Variants in ENOX1 observed in about 807,000 individuals in gnomAD.
ENOX1 encodes ecto-NOX disulfide-thiol exchanger 1, also known as candidate growth-related and time keeping constitutive hydroquinone (NADH) oxidase.
In ENOX1, 42 loss-of-function variants were observed where a neutral mutation model predicts 82.5. The ratio of observed to expected loss-of-function variants is 0.51; its 90% CI spans 0.40 to 0.66. ENOX1 has a LOEUF of 0.66. Among genes scored for constraint, ENOX1 ranks in the 30% least tolerant of loss-of-function variants. The pLI, the probability that ENOX1 is intolerant of heterozygous loss-of-function variation, is 0.00. For synonymous variants in ENOX1, 271 were observed against 282.2 expected (o/e 0.96, Z 0.40); for missense variants, 608 against 811.6 (o/e 0.75, Z 3.05).
chr13:43,502,657 C>T (rs986943896), intron 2 of ENOX1, among the ~76,000 whole-genome samples: 4 of 151,402 alleles, frequency 2.6e-5, no homozygotes, highest in South Asian at 2.1e-4. Flanking sequence ...AAATTAAACA[C>T]GCTTTCATAA....
At position 43,359,521 on chromosome 13, in the gene ENOX1, C is replaced by A. The variant is rs138962015; in HGVS notation, c.589+330G>T. The stretch of plus-strand genomic sequence containing the variant: ...AACCTGAAATTATTCTGAGAGAGTA[C>A]TTTACTCCTCCTAAGGATTACATCC... On this transcript the variant is annotated intron_variant, in intron 7 of 16. Coordinates refer to ENST00000690772, the MANE Select transcript of ENOX1 (RefSeq NM_001347969.2). Among the ~76,000 whole-genome samples the A allele has an allele frequency of 1.2e-4, 18 of 152,288 alleles. No individual in the cohort carries two copies. The East Asian group carries it at 3.5e-3, about 29-fold the overall frequency.
At position 43,546,578 on chromosome 13, in the gene ENOX1, T is replaced by G. The variant is rs1439068562; in HGVS notation, c.-218-62426A>C. 3 of 152,202 alleles carry G rather than the reference T, an allele frequency of 2.0e-5. No homozygotes were observed. In the South Asian group the frequency reaches 6.2e-4, roughly 32 times the overall value. 9.4% of individuals were successfully genotyped at this position (152,202 alleles called of 1,614,324 possible). A position where few individuals can be genotyped will look rare whatever the true frequency, so the allele number is the denominator to read the frequency against. On this transcript the variant is annotated intron_variant, in intron 2 of 16. Coordinates refer to ENST00000690772, the MANE Select transcript of ENOX1 (RefSeq NM_001347969.2). Reference sequence around the variant, plus strand: ...CTTTGCCGCCTCACTGTCGGAGCCCTGCTTACCACATCTGAAGGATCCATA... The same window carrying G: ...CTTTGCCGCCTCACTGTCGGAGCCCGGCTTACCACATCTGAAGGATCCATA...
At chr13:43,375,048 T>C (rs1327295150) in intron 5 of ENOX1, among the ~76,000 whole-genome samples, 1 of 152,238 alleles carries the variant, frequency 6.6e-6, no homozygotes, top group Non-Finnish European at 1.5e-5. Context: ...TGGACGTTTA[T>C]GTGCCAGCAA....
chr13:43,784,598 T>G (rs1212096351), intron 1 of ENOX1, among the ~76,000 whole-genome samples: 4 of 152,224 alleles, frequency 2.6e-5, no homozygotes, highest in Admixed American at 2.0e-4. Context: ...ATCTTAAATT[T>G]TATTCATCTT....
At chr13:43,710,126 G>C (rs772532636) in intron 1 of ENOX1, among the ~76,000 whole-genome samples, 1 of 152,066 alleles carries the variant, frequency 6.6e-6, no homozygotes, top group Non-Finnish European at 1.5e-5. Flanking sequence ...ACATCCAACA[G>C]AGTATTAAAA....
intron 16 of ENOX1, among the ~76,000 whole-genome samples, chr13:43,223,275 G>A (rs1034860771): frequency 2.0e-5 from 3 of 152,088 alleles, no homozygotes; most frequent in Non-Finnish European, 2.9e-5. Flanking sequence ...CAGGCAACTC[G>A]CTGGCTTCTC....
chr13:43,345,194 T>C (rs769423628), intron 8 of ENOX1, among the ~76,000 whole-genome samples: 1 of 152,258 alleles, frequency 6.6e-6, no homozygotes, highest in Non-Finnish European at 1.5e-5. Flanking sequence ...TGAGTTAGTA[T>C]TAAAATGTGG....
chr13:43,459,484 T>A (rs1407853203), intron 3 of ENOX1: 1 of 152,220 alleles, frequency 6.6e-6, no homozygotes, highest in Non-Finnish European at 1.5e-5. Flanking sequence ...CTAAAAGTAT[T>A]TTTATTAGTA....
intron 3 of ENOX1, among the ~76,000 whole-genome samples, chr13:43,465,640 G>A (rs1328881039): frequency 6.6e-6 from 1 of 152,026 alleles, no homozygotes; most frequent in Admixed American, 6.5e-5. Context: ...AGCAGAAAGA[G>A]CCAAGAAGTA....
intron 1 of ENOX1, among the ~76,000 whole-genome samples, chr13:43,779,503 C>T (rs1952125682): frequency 6.6e-6 from 1 of 152,216 alleles, no homozygotes; most frequent in South Asian, 2.1e-4. Context: ...ATAGGAGGTA[C>T]TTGCAGAATT....
At chr13:43,493,307 G>C (rs1310571953) in intron 2 of ENOX1, among the ~76,000 whole-genome samples, 4 of 152,172 alleles carry the variant, frequency 2.6e-5, no homozygotes, top group Non-Finnish European at 5.9e-5. Context: ...TTCCATGATA[G>C]GCCAGCCATC....
At chr13:43,692,071 A>G (rs1312526105) in intron 1 of ENOX1, among the ~76,000 whole-genome samples, 1 of 152,146 alleles carries the variant, frequency 6.6e-6, no homozygotes, top group Non-Finnish European at 1.5e-5. Context: ...ATACTTCTAT[A>G]TGTGAATCTA....
At chr13:43,355,690 T>C (rs1466442478) in intron 8 of ENOX1, among the ~76,000 whole-genome samples, 1 of 152,202 alleles carries the variant, frequency 6.6e-6, no homozygotes, top group African/African-American at 2.4e-5. Flanking sequence ...GGCAGGGGTC[T>C]GTCCCAGGCA....
At chr13:43,411,198 T>G (rs1245366698) in intron 5 of ENOX1, among the ~76,000 whole-genome samples, 1 of 148,834 alleles carries the variant, frequency 6.7e-6, no homozygotes, top group African/African-American at 2.4e-5. Flanking sequence ...TTTTGTTTTG[T>G]TTTTTTCAAT....
intron 1 of ENOX1, among the ~76,000 whole-genome samples, chr13:43,740,012 T>C (rs2089823947): frequency 1.3e-5 from 2 of 152,218 alleles, no homozygotes. Context: ...GTTTACTTTG[T>C]TGTAAATTTT....
chr13:43,432,576 G>C (rs2055742215), intron 3 of ENOX1, among the ~76,000 whole-genome samples: 1 of 152,208 alleles, frequency 6.6e-6, no homozygotes, highest in African/African-American at 2.4e-5. Flanking sequence ...CTGGGAGGCA[G>C]AGGTTGCAGT....
chr13:43,658,914 G>A (rs1398762261), intron 2 of ENOX1, among the ~76,000 whole-genome samples: 2 of 152,244 alleles, frequency 1.3e-5, no homozygotes, highest in Non-Finnish European at 2.9e-5. Flanking sequence ...TTTTAATCAG[G>A]AAACTTCTGT....
rs1158076508 is a variant in ENOX1, at chr13:43,754,055, T to TAC, written c.-285+32596_-285+32597insGT. 2.7e-5 allele frequency among the ~76,000 whole-genome samples: 4 copies of TAC among 146,768 alleles called. 1 individual carries two copies. Among genetic ancestry groups the TAC allele is most frequent in the Non-Finnish European group, 6.0e-5 (4 of 66,846 alleles). On this transcript the variant is annotated intron_variant, in intron 1 of 16. Transcript: ENST00000690772. ...ATATATGTATATAAATACACATATATATACATATATACGTATATAAATACA... is the reference window on the plus strand; with the variant it reads ...ATATATGTATATAAATACACATATATACATACATATATACGTATATAAATACA...
intron 5 of ENOX1, among the ~76,000 whole-genome samples, chr13:43,402,202 A>T (rs1017868477): frequency 6.6e-6 from 1 of 152,200 alleles, no homozygotes. Context: ...GACAGGGAAG[A>T]TACATTTTTA....
Sources: allele counts gnomAD v4.1 joint callset (sites outside exome capture counted in the v4.1 genomes callset), GRCh38; gene constraint gnomAD v4.1.1; transcripts MANE v1.5; gene names NCBI Gene and HGNC (gene_info 2026-07-23, HGNC 2026-07-21).